TAFA1: variants seen among roughly 807,000 people sequenced by gnomAD.
TAFA1 encodes the protein chemokine-like protein TAFA-1.
A neutral mutation model predicts 18.5 loss-of-function variants in TAFA1; 4 were observed. The observed-to-expected ratio is 0.22, with a 90% CI of 0.11 to 0.49. The LOEUF is 0.49. Ranked by LOEUF, TAFA1 falls within the 20% of genes least tolerant of loss-of-function variation. TAFA1 has a pLI of 0.98. For synonymous variants in TAFA1, 56 were observed against 55.2 expected, an observed-to-expected ratio of 1.01 and a Z score of -0.06; for missense variants, 147 against 169.0, an observed-to-expected ratio of 0.87 and a Z score of 0.72.
intron 3 of TAFA1, among the ~76,000 whole-genome samples, chr3:68,444,228 GT>G (rs1346369822): frequency 2.0e-5 from 3 of 152,028 alleles, no homozygotes; most frequent in African/African-American, 4.8e-5. Context: ...AGTGAAATAC[GT>G]TTTTTAAAAA....
At chr3:68,268,571 G>T (rs966222737) in intron 2 of TAFA1, among the ~76,000 whole-genome samples, 3 of 152,146 alleles carry the variant, frequency 2.0e-5, no homozygotes, top group Non-Finnish European at 4.4e-5. Flanking sequence ...GAAATGAAAG[G>T]TGAAAGGGAT....
intron 2 of TAFA1, among the ~76,000 whole-genome samples, chr3:68,245,754 GC>G (rs1203094434): frequency 6.6e-6 from 1 of 152,210 alleles, no homozygotes; most frequent in Non-Finnish European, 1.5e-5. Context: ...TTCTAAACCT[GC>G]CCATCCTGCA....
chr3:68,407,498 T>C (rs967316512), intron 2 of TAFA1, among the ~76,000 whole-genome samples: 1 of 152,126 alleles, frequency 6.6e-6, no homozygotes, highest in Non-Finnish European at 1.5e-5. Context: ...AGCTATAATA[T>C]GTCTACTGTT....
chr3:68,302,697 A>G (rs747236505), intron 2 of TAFA1, among the ~76,000 whole-genome samples: 2 of 152,176 alleles, frequency 1.3e-5, no homozygotes, highest in Non-Finnish European at 2.9e-5. Flanking sequence ...ACTGGGACAC[A>G]GGAAGCAGTC....
At chr3:68,307,783 A>G (rs1197073802) in intron 2 of TAFA1, among the ~76,000 whole-genome samples, 1 of 151,988 alleles carries the variant, frequency 6.6e-6, no homozygotes. Context: ...GGGTTCCAAG[A>G]ACTAGAAAGA....
chr3:68,458,317 A>G (rs1169607511), intron 3 of TAFA1, among the ~76,000 whole-genome samples: 4 of 152,108 alleles, frequency 2.6e-5, no homozygotes, highest in Non-Finnish European at 1.5e-5. Flanking sequence ...CTGTGGAGCT[A>G]TACACCAATT....
At chr3:68,027,901 A>G (rs1704849762) in intron 2 of TAFA1, among the ~76,000 whole-genome samples, 1 of 152,228 alleles carries the variant, frequency 6.6e-6, no homozygotes, top group African/African-American at 2.4e-5. Flanking sequence ...ATGATATCAT[A>G]CTAACGTTTC....
At chr3:68,272,714 A>T (rs2067699360) in intron 2 of TAFA1, among the ~76,000 whole-genome samples, 1 of 152,174 alleles carries the variant, frequency 6.6e-6, no homozygotes, top group Non-Finnish European at 1.5e-5. Context: ...TCAGGAAAAC[A>T]TTCCTGTGGG....
chr3:68,166,737 A>G (rs972350308), intron 2 of TAFA1, among the ~76,000 whole-genome samples: 2 of 152,104 alleles, frequency 1.3e-5, no homozygotes, highest in African/African-American at 4.8e-5. Context: ...AGAGGTGCCA[A>G]TTTAATCATC....
intron 2 of TAFA1, among the ~76,000 whole-genome samples, chr3:68,189,905 G>A (rs1034313559): frequency 2.6e-5 from 4 of 151,812 alleles, no homozygotes; most frequent in Admixed American, 2.6e-4. Flanking sequence ...TCAACATGGG[G>A]GAATTTCTCC....
At chr3:68,090,318 T>G (rs935377926) in intron 2 of TAFA1, among the ~76,000 whole-genome samples, 2 of 152,184 alleles carry the variant, frequency 1.3e-5, no homozygotes, top group African/African-American at 4.8e-5. Flanking sequence ...ACGTGTACCC[T>G]TTACTCAGTT....
chr3:68,392,672 G>A (rs564871018), intron 2 of TAFA1, among the ~76,000 whole-genome samples: 1 of 152,266 alleles, frequency 6.6e-6, no homozygotes, highest in African/African-American at 2.4e-5. Context: ...AGACCACAGT[G>A]CAATCGAATT....
intron 2 of TAFA1, among the ~76,000 whole-genome samples, chr3:68,348,552 T>TA (rs2069206922): frequency 6.6e-6 from 1 of 152,178 alleles, no homozygotes; most frequent in South Asian, 2.1e-4. Flanking sequence ...TTCCTGTAGA[T>TA]ACATTTCAGA....
intron 3 of TAFA1, among the ~76,000 whole-genome samples, chr3:68,490,724 A>G (rs2072434705): frequency 6.6e-6 from 1 of 152,192 alleles, no homozygotes; most frequent in Non-Finnish European, 1.5e-5. Flanking sequence ...TTATTGTTAA[A>G]TAAATTTTAA....
intron 2 of TAFA1, among the ~76,000 whole-genome samples, chr3:68,278,616 G>A (rs1040699868): frequency 6.6e-6 from 1 of 152,088 alleles, no homozygotes; most frequent in African/African-American, 2.4e-5. Flanking sequence ...TTCTGCGCCT[G>A]GGTAGATAGT....
chr3:68,026,586 A>G (rs954727474), intron 2 of TAFA1, among the ~76,000 whole-genome samples: 1 of 152,090 alleles, frequency 6.6e-6, no homozygotes, highest in Admixed American at 6.6e-5. Flanking sequence ...AACCCTGACA[A>G]TGACCTGAGG....
rs118049548 is a variant in TAFA1, at chr3:68,207,967, G to C, written c.118+201223G>C. 1.1e-3 allele frequency among the ~76,000 whole-genome samples: 167 copies of C among 152,002 alleles called. No homozygotes were observed. The East Asian group carries it at 0.025, about 22-fold the overall frequency. On this transcript the variant is annotated intron_variant, in intron 2 of 4. Coordinates refer to ENST00000478136, the MANE Select transcript of TAFA1 (RefSeq NM_213609.4). ...ATTGGAAAAGTACCTTCTGCAGGTA[G>C]CAATGGAGTAACAATAGACTCAGAG...
intron 4 of TAFA1, among the ~76,000 whole-genome samples, chr3:68,542,445 A>G (rs1283981420): frequency 1.3e-5 from 2 of 152,128 alleles, no homozygotes; most frequent in African/African-American, 4.8e-5. Flanking sequence ...TTTAAACTAT[A>G]TCAAATACGT....
At chr3:68,239,538 AC>A (rs1170608057) in intron 2 of TAFA1, among the ~76,000 whole-genome samples, 1 of 152,022 alleles carries the variant, frequency 6.6e-6, no homozygotes, top group Non-Finnish European at 1.5e-5. Context: ...CCCTAGCCTG[AC>A]CCAGCCCCAA....
Sources: gnomAD v4.1 joint callset for allele counts (sites outside exome capture counted in the v4.1 genomes callset) on GRCh38, gnomAD v4.1.1 for gene constraint, MANE v1.5 for transcripts, NCBI Gene and HGNC (gene_info 2026-07-23, HGNC 2026-07-21) for gene names.